The following PPARGC1A variants were observed in gnomAD, a reference collection of about 807,000 sequenced individuals.
PPARGC1A encodes PPARG coactivator 1 alpha.
Under a neutral mutation model 88.7 loss-of-function variants are expected in PPARGC1A, and 25 were observed. The observed-to-expected ratio is 0.28, with a 90% confidence interval of 0.21 to 0.39. The LOEUF (loss-of-function observed/expected upper bound fraction) is 0.39. Ranked by LOEUF, PPARGC1A falls within the 10% of genes least tolerant of loss-of-function variation. PPARGC1A has a pLI of 1.00. For synonymous variants in PPARGC1A, 363 were observed against 355.6 expected (o/e 1.02, Z -0.24); for missense variants, 880 against 968.7 (o/e 0.91, Z 1.22).
At chr4:24,027,870 A>G in the PPARGC1A span, among the ~76,000 whole-genome samples, 9 of 152,338 alleles carry the variant, frequency 5.9e-5, no homozygotes, top group East Asian at 1.7e-3. Flanking sequence ...ACCTTGCAAC[A>G]TACCGATCAG....
the PPARGC1A span, among the ~76,000 whole-genome samples, chr4:24,097,627 G>A: frequency 6.6e-6 from 1 of 152,102 alleles, no homozygotes; most frequent in African/African-American, 2.4e-5. Context: ...CACACTACTG[G>A]AGGTGGCTAT....
intron 12 of PPARGC1A, among the ~76,000 whole-genome samples, chr4:23,797,589 T>A (rs1399862654): frequency 2.0e-5 from 3 of 152,226 alleles, no homozygotes; most frequent in Non-Finnish European, 4.4e-5. Flanking sequence ...AGTGTTTCTG[T>A]ATTTTATTAG....
At chr4:24,419,326 C>A in the PPARGC1A span, among the ~76,000 whole-genome samples, 1 of 148,192 alleles carries the variant, frequency 6.7e-6, no homozygotes, top group Non-Finnish European at 1.5e-5. Flanking sequence ...CACTCCCTGA[C>A]CAACACAATT....
the PPARGC1A span, among the ~76,000 whole-genome samples, chr4:24,313,688 T>C: frequency 6.6e-6 from 1 of 152,184 alleles, no homozygotes; most frequent in Non-Finnish European, 1.5e-5. Context: ...TCTCATATAC[T>C]GCTAGCAGGA....
chr4:24,097,534 GT>G, the PPARGC1A span, among the ~76,000 whole-genome samples: 1 of 151,660 alleles, frequency 6.6e-6, no homozygotes, highest in Admixed American at 6.6e-5. Context: ...TTTTTAGGTG[GT>G]TTTTTTTCAT....
At chr4:23,881,628 GC>G (rs1715954723) in intron 2 of PPARGC1A, 1 of 152,158 alleles carries the variant, frequency 6.6e-6, no homozygotes, top group East Asian at 1.9e-4. Context: ...TCAGTCGATG[GC>G]CAGTTTCCAG....
chr4:23,995,000 G>A, the PPARGC1A span, among the ~76,000 whole-genome samples: 1 of 152,136 alleles, frequency 6.6e-6, no homozygotes, highest in African/African-American at 2.4e-5. Flanking sequence ...GAAATTGATG[G>A]TGTCCTACCT....
At chr4:24,226,159 A>G in the PPARGC1A span, among the ~76,000 whole-genome samples, 1 of 152,128 alleles carries the variant, frequency 6.6e-6, no homozygotes. Flanking sequence ...ACTAAATACC[A>G]GTGACATGAT....
the PPARGC1A span, among the ~76,000 whole-genome samples, chr4:23,958,169 A>T: frequency 6.6e-6 from 1 of 152,138 alleles, no homozygotes; most frequent in Non-Finnish European, 1.5e-5. Flanking sequence ...TTCAAGTTTG[A>T]GTCAATTCGA....
intron 5 of PPARGC1A, among the ~76,000 whole-genome samples, chr4:23,825,457 A>G (rs1723760866): frequency 6.6e-6 from 1 of 152,130 alleles, no homozygotes; most frequent in South Asian, 2.1e-4. Context: ...AAAACCAAAA[A>G]GGTCTTTAGA....
the PPARGC1A span, among the ~76,000 whole-genome samples, chr4:24,071,074 C>T: frequency 3.3e-5 from 5 of 152,186 alleles, no homozygotes; most frequent in South Asian, 2.1e-4. Flanking sequence ...CCTGATCAAA[C>T]GCTTTCTGAC....
At chr4:24,216,505 C>A in the PPARGC1A span, among the ~76,000 whole-genome samples, 1 of 152,070 alleles carries the variant, frequency 6.6e-6, no homozygotes, top group Non-Finnish European at 1.5e-5. Flanking sequence ...TACTCAAAAT[C>A]GGCTCTTCTT....
the PPARGC1A span, among the ~76,000 whole-genome samples, chr4:24,068,351 G>C: frequency 6.6e-6 from 1 of 152,186 alleles, no homozygotes; most frequent in African/African-American, 2.4e-5. Context: ...CAGAAGCCCA[G>C]AGGAGTGAGA....
At chr4:24,339,155 C>T in the PPARGC1A span, among the ~76,000 whole-genome samples, 1 of 149,010 alleles carries the variant, frequency 6.7e-6, no homozygotes. Flanking sequence ...GTGTGTCTGG[C>T]CTATTTCCCT....
At chr4:24,217,247 T>C in the PPARGC1A span, among the ~76,000 whole-genome samples, 6 of 152,164 alleles carry the variant, frequency 3.9e-5, no homozygotes, top group African/African-American at 1.4e-4. Flanking sequence ...GATTAAAGAA[T>C]TGTAGCCCTG....
At chr4:24,433,123 A>G in the PPARGC1A span, among the ~76,000 whole-genome samples, 1 of 152,308 alleles carries the variant, frequency 6.6e-6, no homozygotes, top group South Asian at 2.1e-4. Context: ...TTAGATGGAG[A>G]TATGTCCACC....
At position 23,814,000 on chromosome 4, in the gene PPARGC1A, A is replaced by G. The variant is rs138302049; in HGVS notation, c.1483T>C (p.Ser495Pro). 1.1e-5 allele frequency: 17 copies of G among 1,613,992 alleles called. No individual in the cohort carries two copies. The highest frequency in any genetic ancestry group is 1.4e-5 in the Non-Finnish European group (16 of 1,179,988). Reference sequence around the variant, plus strand: ...GAATTTATAAACATAGGTAGTTTGGAGAATTGTTCATTACTGAAATCACTG... The same window carrying G: ...GAATTTATAAACATAGGTAGTTTGGGGAATTGTTCATTACTGAAATCACTG... ...RDSDFSNEQF[S>P]KLPMFINSGL... The change falls in exon 8 of 13, where the codon TCC becomes CCC. Residue 495 changes from serine (S) to proline (P), a missense_variant. Transcript: ENST00000264867.
the PPARGC1A span, among the ~76,000 whole-genome samples, chr4:23,917,618 C>T: frequency 3.3e-5 from 5 of 152,238 alleles, no homozygotes; most frequent in South Asian, 6.2e-4. Context: ...CCACCACGCC[C>T]GGCTTTTCTG....
chr4:24,132,031 TC>T, the PPARGC1A span, among the ~76,000 whole-genome samples: 2 of 152,200 alleles, frequency 1.3e-5, no homozygotes, highest in African/African-American at 4.8e-5. Context: ...ACACTGGCCA[TC>T]CTCTGAATTG....
Sources: allele counts gnomAD v4.1 joint callset (sites outside exome capture counted in the v4.1 genomes callset), GRCh38; gene constraint gnomAD v4.1.1; transcripts MANE v1.5; gene names NCBI Gene and HGNC (gene_info 2026-07-23, HGNC 2026-07-21).